STK3: variants seen among roughly 807,000 people sequenced by gnomAD.
The protein encoded by STK3 is serine/threonine kinase 3.
A neutral mutation model predicts 58.0 loss-of-function variants in STK3; 41 were observed. That is an observed-to-expected ratio of 0.71 (90% CI 0.55 to 0.92). The LOEUF (loss-of-function observed/expected upper bound fraction) is 0.92. Among genes scored for constraint, STK3 ranks in the 40% least tolerant of loss-of-function variants. STK3 has a pLI of 0.00. For synonymous variants in STK3, 170 were observed against 191.0 expected, an observed-to-expected ratio of 0.89 and a Z score of 0.91; for missense variants, 479 against 602.7, an observed-to-expected ratio of 0.79 and a Z score of 2.15.
intron 10 of STK3, among the ~76,000 whole-genome samples, chr8:98,514,613 A>C (rs1051857925): frequency 7.3e-5 from 11 of 151,392 alleles, no homozygotes; most frequent in Non-Finnish European, 1.3e-4. Flanking sequence ...GCCTACATTT[A>C]AGCTTGGTTC....
chr8:98,517,555 T>C (rs961466645), intron 10 of STK3, among the ~76,000 whole-genome samples: 7 of 152,128 alleles, frequency 4.6e-5, no homozygotes, highest in Non-Finnish European at 8.8e-5. Context: ...AGATTTCTGA[T>C]AGTGAACTAC....
chr8:98,670,476 T>C (rs913049493), intron 6 of STK3, among the ~76,000 whole-genome samples: 1 of 152,254 alleles, frequency 6.6e-6, no homozygotes, highest in Non-Finnish European at 1.5e-5. Flanking sequence ...ATCTTTAGGC[T>C]CAAATGGAAG....
At position 98,783,403 on chromosome 8, in the gene STK3, C is replaced by T. The variant is rs184971987; in HGVS notation, c.27-8584G>A. On this transcript the variant is annotated intron_variant, in intron 1 of 10. Transcript: ENST00000419617. The stretch of plus-strand genomic sequence containing the variant: ...TATCTCATGTACCCAATATATACAC[C>T]TACTATGTACCCATAAAAATTAAAA... Among the ~76,000 whole-genome samples the T allele has an allele frequency of 2.2e-4, 34 of 152,212 alleles. No individual in the cohort carries two copies. In the East Asian group the frequency reaches 6.6e-3, roughly 29 times the overall value.
At chr8:98,694,830 T>C (rs1163828350) in intron 6 of STK3, among the ~76,000 whole-genome samples, 1 of 152,242 alleles carries the variant, frequency 6.6e-6, no homozygotes, top group Non-Finnish European at 1.5e-5. Flanking sequence ...TGTGTCTTTA[T>C]AGTAGCATGA....
intron 7 of STK3, among the ~76,000 whole-genome samples, chr8:98,590,386 G>A (rs1033818618): frequency 9.9e-5 from 15 of 152,146 alleles, no homozygotes; most frequent in Non-Finnish European, 1.9e-4. Flanking sequence ...CGAGGCGATC[G>A]GGCAGTGTCA....
chr8:98,364,864 C>T, the STK3 span, among the ~76,000 whole-genome samples: 4 of 152,210 alleles, frequency 2.6e-5, no homozygotes, highest in Non-Finnish European at 5.9e-5. Context: ...GATTTTCCAC[C>T]CTCTCCCTGC....
intron 4 of STK3, among the ~76,000 whole-genome samples, chr8:98,724,217 T>C (rs1486779024): frequency 6.6e-6 from 1 of 152,162 alleles, no homozygotes; most frequent in Non-Finnish European, 1.5e-5. Context: ...ACCAGTACTC[T>C]TAAAATCCAA....
At chr8:98,899,230 A>C (rs770097525) in intron 1 of STK3, among the ~76,000 whole-genome samples, 2 of 152,232 alleles carry the variant, frequency 1.3e-5, no homozygotes, top group African/African-American at 4.8e-5. Flanking sequence ...AAAGGAGCCT[A>C]GACTTGGCTT....
intron 4 of STK3, among the ~76,000 whole-genome samples, chr8:98,728,770 T>C (rs1827966934): frequency 6.6e-6 from 1 of 152,004 alleles, no homozygotes; most frequent in Admixed American, 6.6e-5. Flanking sequence ...AACACAAAGG[T>C]AAATATAAAC....
chr8:98,563,013 T>A, intron 8 of STK3, among the ~76,000 whole-genome samples: 1 of 132,796 alleles, frequency 7.5e-6, no homozygotes, highest in African/African-American at 2.6e-5. Flanking sequence ...ATGTAGAATG[T>A]GGCAAAAAAA....
At chr8:98,507,345 A>G (rs1438206576) in intron 10 of STK3, among the ~76,000 whole-genome samples, 1 of 152,214 alleles carries the variant, frequency 6.6e-6, no homozygotes, top group East Asian at 1.9e-4. Context: ...TGGCTGTTCA[A>G]ACAAAAAACC....
chr8:98,532,303 A>C (rs1826222399), intron 9 of STK3, among the ~76,000 whole-genome samples: 1 of 152,136 alleles, frequency 6.6e-6, no homozygotes, highest in Admixed American at 6.6e-5. Context: ...CTCAGAGAAA[A>C]GGGAGGCCTG....
At chr8:98,451,389 A>G (rs1310428530), downstream of STK3, among the ~76,000 whole-genome samples, 1 of 152,220 alleles carries the variant, frequency 6.6e-6, no homozygotes, top group Non-Finnish European at 1.5e-5. Context: ...AAATAAAACA[A>G]TAATGGAGAT....
chr8:98,864,155 AC>A (rs1837042260), intron 3 of STK3, among the ~76,000 whole-genome samples: 1 of 138,548 alleles, frequency 7.2e-6, no homozygotes, highest in Admixed American at 8.4e-5. Context: ...CCTAGATTGC[AC>A]CACTGCACTC....
chr8:98,605,676 T>C (rs1040290411), intron 6 of STK3, among the ~76,000 whole-genome samples: 1 of 152,176 alleles, frequency 6.6e-6, no homozygotes, highest in African/African-American at 2.4e-5. Context: ...AAGTTTATTA[T>C]CTTACAGCTC....
chr8:98,884,066 TAGCA>T (rs1271165957), intron 1 of STK3, among the ~76,000 whole-genome samples: 10 of 152,184 alleles, frequency 6.6e-5, no homozygotes, highest in African/African-American at 2.4e-4. Flanking sequence ...TCTTCCAAGG[TAGCA>T]CTTATTAGCT....
Position 98,511,423 on chromosome 8 carries a change from T to A in STK3, c.1317+15319A>T, listed in dbSNP as rs750152531. Among the ~76,000 whole-genome samples, 38 of 152,180 alleles carry A rather than the reference T, an allele frequency of 2.5e-4. 1 individual carries two copies. Among genetic ancestry groups the A allele is most frequent in the Middle Eastern group, 3.4e-3 (1 of 292 alleles). ...TTTATTCTAAAATTCAAAAAAAGACTATATTTTAAATATAGTCATACCTAA... is the reference window on the plus strand; with the variant it reads ...TTTATTCTAAAATTCAAAAAAAGACAATATTTTAAATATAGTCATACCTAA... On this transcript the variant is annotated intron_variant, in intron 10 of 10. Transcript: ENST00000419617.
chr8:98,858,171 C>A (rs556033576), intron 3 of STK3, among the ~76,000 whole-genome samples: 2 of 150,860 alleles, frequency 1.3e-5, no homozygotes, highest in African/African-American at 4.9e-5. Flanking sequence ...CACTTGAGAT[C>A]AGGAGTTCGA....
intron 3 of STK3, among the ~76,000 whole-genome samples, chr8:98,751,977 A>AAC (rs1830016724): frequency 6.6e-6 from 1 of 151,716 alleles, no homozygotes; most frequent in African/African-American, 2.4e-5. Context: ...ATAATATATA[A>AAC]ACACACACAC....
Sources: allele counts gnomAD v4.1 joint callset (sites outside exome capture counted in the v4.1 genomes callset), GRCh38; gene constraint gnomAD v4.1.1; transcripts MANE v1.5; gene names NCBI Gene and HGNC (gene_info 2026-07-23, HGNC 2026-07-21).